The following HTR7 variants were observed in gnomAD, a reference collection of about 807,000 sequenced individuals.
The protein encoded by HTR7 is 5-hydroxytryptamine receptor 7.
A neutral mutation model predicts 34.0 loss-of-function variants in HTR7; 16 were observed. That is an observed-to-expected ratio of 0.47 (90% CI 0.32 to 0.71). HTR7 has a LOEUF of 0.71. Among genes scored for constraint, HTR7 ranks in the 30% least tolerant of loss-of-function variants. The pLI, the probability that HTR7 is intolerant of heterozygous loss-of-function variation, is 0.04. For missense variants in HTR7, 504 were observed against 625.5 expected, an observed-to-expected ratio of 0.81 and a Z score of 2.07; for synonymous variants, 265 against 260.2, an observed-to-expected ratio of 1.02 and a Z score of -0.18.
In HTR7 at chr10:90,746,472, C is replaced by A. The variant is rs1165996397; in HGVS notation, c.1295+2367G>T. ...TTATACACTGGCTGCTTAACTGGAT[C>A]CCCTGCCACCCATCTTTCCCTTGTC... On this transcript the variant is annotated intron_variant, in intron 2 of 3. Transcript: ENST00000336152. 3.3e-5 allele frequency among the ~76,000 whole-genome samples: 5 copies of A among 152,096 alleles called. No homozygotes were observed. In the South Asian group the frequency reaches 6.2e-4, roughly 19 times the overall value.
At chr10:90,818,995 C>G (rs1265738180) in intron 1 of HTR7, among the ~76,000 whole-genome samples, 3 of 152,152 alleles carry the variant, frequency 2.0e-5, no homozygotes, top group African/African-American at 7.2e-5. Flanking sequence ...TGAAAGTTTC[C>G]TGAGGCCTCC....
chr10:90,856,307 A>G (rs1347815766), intron 1 of HTR7, among the ~76,000 whole-genome samples: 1 of 152,220 alleles, frequency 6.6e-6, no homozygotes, highest in East Asian at 1.9e-4. Context: ...CAACTGCATA[A>G]TATTTCAAGG....
chr10:90,751,651 G>T (rs1564669393), intron 1 of HTR7, among the ~76,000 whole-genome samples: 1 of 152,154 alleles, frequency 6.6e-6, no homozygotes, highest in Non-Finnish European at 1.5e-5. Context: ...TGTTTCAATA[G>T]GGTAGGTGGT....
At chr10:90,827,306 G>A (rs1846093618) in intron 1 of HTR7, among the ~76,000 whole-genome samples, 1 of 152,198 alleles carries the variant, frequency 6.6e-6, no homozygotes, top group Admixed American at 6.5e-5. Flanking sequence ...AGCACTTTGG[G>A]AGGCCAAGGG....
At chr10:90,746,574 G>T (rs1196710345) in intron 2 of HTR7, among the ~76,000 whole-genome samples, 1 of 152,072 alleles carries the variant, frequency 6.6e-6, no homozygotes, top group Non-Finnish European at 1.5e-5. Flanking sequence ...TCCTTTTCCT[G>T]TGCTAAAAAA....
intron 1 of HTR7, among the ~76,000 whole-genome samples, chr10:90,779,763 C>T (rs1845276087): frequency 6.6e-6 from 1 of 152,164 alleles, no homozygotes; most frequent in Admixed American, 6.5e-5. Context: ...TGATGAACCA[C>T]AAGGAGGCAG....
intron 1 of HTR7, among the ~76,000 whole-genome samples, chr10:90,760,159 C>T (rs1310528837): frequency 1.3e-5 from 2 of 152,124 alleles, no homozygotes; most frequent in African/African-American, 4.8e-5. Context: ...TGTATATACA[C>T]AATTAAATAC....
intron 1 of HTR7, among the ~76,000 whole-genome samples, chr10:90,795,977 G>A (rs115343796): frequency 0.012 from 1,808 of 152,284 alleles, 40 homozygotes; most frequent in African/African-American, 0.041. Context: ...GTTTTATCAC[G>A]CAGATGAAGC....
chr10:90,743,111 C>T (rs1326636044), intron 3 of HTR7, among the ~76,000 whole-genome samples: 1 of 152,140 alleles, frequency 6.6e-6, no homozygotes, highest in Non-Finnish European at 1.5e-5. Flanking sequence ...TACCACACTA[C>T]ATCATGTGCC....
intron 1 of HTR7, among the ~76,000 whole-genome samples, chr10:90,821,326 G>T (rs894735132): frequency 6.6e-6 from 1 of 152,176 alleles, no homozygotes; most frequent in Non-Finnish European, 1.5e-5. Flanking sequence ...CGTGCACTTG[G>T]GGGAGAAAGA....
At chr10:90,765,126 T>C (rs1845000874) in intron 1 of HTR7, among the ~76,000 whole-genome samples, 2 of 152,178 alleles carry the variant, frequency 1.3e-5, no homozygotes, top group South Asian at 2.1e-4. Flanking sequence ...TCCTTAAATG[T>C]TGGGTAGATT....
chr10:90,787,980 C>T (rs926040854), intron 1 of HTR7, among the ~76,000 whole-genome samples: 1 of 151,984 alleles, frequency 6.6e-6, no homozygotes, highest in Admixed American at 6.6e-5. Context: ...TACTCACAAC[C>T]CCTGTAGGGT....
At chr10:90,787,316 C>T (rs1161627165) in intron 1 of HTR7, among the ~76,000 whole-genome samples, 1 of 151,996 alleles carries the variant, frequency 6.6e-6, no homozygotes, top group Non-Finnish European at 1.5e-5. Context: ...GGTGAAACCC[C>T]GTCTCTATTA....
At chr10:90,785,878 T>C (rs1265206508) in intron 1 of HTR7, among the ~76,000 whole-genome samples, 1 of 152,172 alleles carries the variant, frequency 6.6e-6, no homozygotes, top group Non-Finnish European at 1.5e-5. Flanking sequence ...TTGACGCCCC[T>C]TCTTGGGAGA....
intron 1 of HTR7, among the ~76,000 whole-genome samples, chr10:90,802,368 G>A (rs560781260): frequency 3.9e-5 from 6 of 152,142 alleles, no homozygotes; most frequent in Admixed American, 2.0e-4. Flanking sequence ...CCATCCCTCC[G>A]GGGCTTTTGC....
In HTR7 at chr10:90,775,912, T is replaced by A. The variant is rs1845200075; in HGVS notation, c.540-26318A>T. Among the ~76,000 whole-genome samples, 3 of 152,342 alleles carry A rather than the reference T, an allele frequency of 2.0e-5. No homozygotes were observed. In the South Asian group the frequency reaches 6.2e-4, roughly 32 times the overall value. On this transcript the variant is annotated intron_variant, in intron 1 of 3. Coordinates refer to ENST00000336152, the MANE Select transcript of HTR7 (RefSeq NM_019859.4). ...AGAGCCATATGTGTATTTTGAAGTT[T>A]CTAGTAAAAGAAAGAAGTAAAAATA... is the stretch of plus-strand genomic sequence containing the variant.
intron 1 of HTR7, among the ~76,000 whole-genome samples, chr10:90,842,276 G>A (rs1846340945): frequency 6.6e-6 from 1 of 152,176 alleles, no homozygotes; most frequent in Non-Finnish European, 1.5e-5. Context: ...CATCTTGCAA[G>A]CAGTCTTTAC....
chr10:90,835,260 T>C (rs1280450747), intron 1 of HTR7, among the ~76,000 whole-genome samples: 2 of 152,220 alleles, frequency 1.3e-5, no homozygotes, highest in Non-Finnish European at 2.9e-5. Flanking sequence ...GTTCATATAA[T>C]GAGCTATGCA....
At chr10:90,830,618 T>A (rs1846153186) in intron 1 of HTR7, among the ~76,000 whole-genome samples, 1 of 151,978 alleles carries the variant, frequency 6.6e-6, no homozygotes, top group Non-Finnish European at 1.5e-5. Context: ...AAACCCCATC[T>A]CTACAAAAAA....
Sources: allele counts gnomAD v4.1 joint callset (sites outside exome capture counted in the v4.1 genomes callset), GRCh38; gene constraint gnomAD v4.1.1; transcripts MANE v1.5; gene names NCBI Gene and HGNC (gene_info 2026-07-23, HGNC 2026-07-21).